Variants in TTC6 observed in about 807,000 individuals in gnomAD.
The protein encoded by TTC6 is tetratricopeptide repeat domain 6.
TTC6 carries 172 observed loss-of-function variants against 210.4 expected under a neutral mutation model. That is an observed-to-expected ratio of 0.82 (90% CI 0.72 to 0.93). The LOEUF (loss-of-function observed/expected upper bound fraction) is 0.93. Among genes scored for constraint, TTC6 ranks in the 40% least tolerant of loss-of-function variants. The pLI, the probability that TTC6 is intolerant of heterozygous loss-of-function variation, is 0.00. For synonymous variants in TTC6, 804 were observed against 819.6 expected (o/e 0.98, Z 0.32); for missense variants, 2,414 against 2,318.1 (o/e 1.04, Z -0.85).
chr14:37,775,360 A>G (rs568876852), intron 14 of TTC6, among the ~76,000 whole-genome samples: 2 of 152,196 alleles, frequency 1.3e-5, no homozygotes, highest in Non-Finnish European at 2.9e-5. Context: ...TAATGTGGGC[A>G]TTTAGTGCTA....
chr14:37,812,703 AC>A (rs2096132432), intron 25 of TTC6, among the ~76,000 whole-genome samples: 1 of 152,176 alleles, frequency 6.6e-6, no homozygotes, highest in Admixed American at 6.5e-5. Context: ...TACAGACAAA[AC>A]TCAAGTTACT....
chr14:37,789,096 A>G (rs919066250), intron 15 of TTC6, among the ~76,000 whole-genome samples: 1 of 152,160 alleles, frequency 6.6e-6, no homozygotes, highest in Non-Finnish European at 1.5e-5. Flanking sequence ...AAGGAGTTTT[A>G]TCACCTGCAA....
chr14:37,627,444 C>G (rs1355749913), intron 1 of TTC6, among the ~76,000 whole-genome samples: 5 of 151,920 alleles, frequency 3.3e-5, no homozygotes, highest in Admixed American at 1.3e-4. Flanking sequence ...CTAATGCTAT[C>G]CCTCCCCTAG....
chr14:37,693,853 A>T (rs1473916979), intron 3 of TTC6, among the ~76,000 whole-genome samples: 2 of 152,138 alleles, frequency 1.3e-5, no homozygotes, highest in East Asian at 3.9e-4. Context: ...TCAATAAGTG[A>T]TGCTGGGAAA....
At chr14:37,757,974 A>G (rs2095973001) in intron 14 of TTC6, among the ~76,000 whole-genome samples, 1 of 152,172 alleles carries the variant, frequency 6.6e-6, no homozygotes, top group Non-Finnish European at 1.5e-5. Context: ...TTCAGTTTCC[A>G]TGTAATTATG....
intron 1 of TTC6, among the ~76,000 whole-genome samples, chr14:37,658,156 G>A (rs1361869208): frequency 1.3e-5 from 2 of 152,090 alleles, no homozygotes; most frequent in Admixed American, 6.6e-5. Context: ...AATGGATATG[G>A]AAATTTAAAT....
intron 7 of TTC6, among the ~76,000 whole-genome samples, chr14:37,732,646 T>G (rs1299842852): frequency 6.6e-6 from 1 of 151,136 alleles, no homozygotes; most frequent in Admixed American, 6.6e-5. Flanking sequence ...TGAGACGGAG[T>G]CTTGCTCTGT....
intron 6 of TTC6, among the ~76,000 whole-genome samples, chr14:37,722,909 A>G (rs1161610458): frequency 6.6e-6 from 1 of 152,166 alleles, no homozygotes; most frequent in African/African-American, 2.4e-5. Context: ...CTTTGAGGGT[A>G]GAGTGTCTAC....
upstream of TTC6, among the ~76,000 whole-genome samples, chr14:37,620,456 G>A (rs565269351): frequency 6.6e-6 from 1 of 152,192 alleles, no homozygotes; most frequent in African/African-American, 2.4e-5. Context: ...CTCTTGGTGT[G>A]TTCTGTGGAA....
intron 14 of TTC6, among the ~76,000 whole-genome samples, chr14:37,778,396 TA>T (rs1182673250): frequency 7.0e-6 from 1 of 142,238 alleles, no homozygotes; most frequent in Non-Finnish European, 1.6e-5. Flanking sequence ...AGTGCAAGGC[TA>T]GGGGTGGTGC....
At chr14:37,699,675 T>C (rs184043871) in intron 4 of TTC6, among the ~76,000 whole-genome samples, 1 of 152,246 alleles carries the variant, frequency 6.6e-6, no homozygotes, top group Non-Finnish European at 1.5e-5. Context: ...AAGGGTATGC[T>C]GGCAGTGAGG....
chr14:37,706,818 A>G (rs1199610099), intron 5 of TTC6, among the ~76,000 whole-genome samples: 1 of 152,024 alleles, frequency 6.6e-6, no homozygotes, highest in Non-Finnish European at 1.5e-5. Flanking sequence ...TATGGCATAT[A>G]TTTCCATTTT....
chr14:37,721,549 T>C (rs1185710955), intron 6 of TTC6, among the ~76,000 whole-genome samples: 1 of 151,950 alleles, frequency 6.6e-6, no homozygotes, highest in African/African-American at 2.4e-5. Context: ...TCATCCCTTT[T>C]CAAGAAAAAT....
intron 4 of TTC6, among the ~76,000 whole-genome samples, chr14:37,701,015 T>A (rs2095824292): frequency 6.6e-6 from 1 of 152,050 alleles, no homozygotes; most frequent in Non-Finnish European, 1.5e-5. Context: ...GTTTCAGAAT[T>A]CAGGAGAGAA....
intron 14 of TTC6, among the ~76,000 whole-genome samples, chr14:37,760,607 T>C (rs2095981313): frequency 6.6e-6 from 1 of 152,208 alleles, no homozygotes; most frequent in Non-Finnish European, 1.5e-5. Flanking sequence ...CCACTGAAGC[T>C]GCACCCACAG....
intron 21 of TTC6, 126 bp downstream of exon 23, chr14:37,804,940 C>G (rs968478206): frequency 2.0e-6 from 2 of 984,636 alleles, no homozygotes; most frequent in Non-Finnish European, 3.1e-6. Flanking sequence ...TGAAGCTTGG[C>G]TTGTTATAGT....
At chr14:37,790,519 A>G (rs937434216) in intron 15 of TTC6, among the ~76,000 whole-genome samples, 198 bp from the exon 18 acceptor site, 2 of 152,178 alleles carry the variant, frequency 1.3e-5, no homozygotes, top group African/African-American at 2.4e-5. Context: ...CAATTGCCAC[A>G]TTGTTACTAA....
intron 13 of TTC6, 50 bp from the exon 16 acceptor site, chr14:37,753,046 ACTT>A: frequency 7.2e-7 from 1 of 1,395,574 alleles, no homozygotes; most frequent in Admixed American, 2.3e-5. Context: ...GTGATTATAT[ACTT>A]CATTTTTTTT....
At chr14:37,796,300 A>G in exon 19 of TTC6, 1 of 1,271,876 alleles carries the variant, frequency 7.9e-7, no homozygotes, top group South Asian at 1.4e-5. Flanking sequence ...CCAGAGGACA[A>G]TATCTTCTTA....
Sources: allele counts gnomAD v4.1 joint callset (sites outside exome capture counted in the v4.1 genomes callset), GRCh38; gene constraint gnomAD v4.1.1; transcripts MANE v1.5; gene names NCBI Gene and HGNC (gene_info 2026-07-23, HGNC 2026-07-21).